Variants in PBRM1 observed in about 807,000 individuals in gnomAD.
The protein encoded by PBRM1 is polybromo 1, also known as protein polybromo-1.
A neutral mutation model predicts 194.5 loss-of-function variants in PBRM1; 27 were observed. The observed-to-expected ratio is 0.14, with a 90% CI of 0.10 to 0.19. The LOEUF is 0.19. Among genes scored for constraint, PBRM1 ranks in the 10% least tolerant of loss-of-function variants. The pLI is 1.00. For missense variants in PBRM1, 1,466 were observed against 2,077.2 expected, an observed-to-expected ratio of 0.71 and a Z score of 5.72; for synonymous variants, 655 against 693.2, an observed-to-expected ratio of 0.94 and a Z score of 0.87.
At chr3:52,677,117 G>C (rs953014785) in intron 2 of PBRM1, among the ~76,000 whole-genome samples, 2 of 152,108 alleles carry the variant, frequency 1.3e-5, no homozygotes, top group Non-Finnish European at 2.9e-5. Flanking sequence ...AAAAACATAG[G>C]GGAAAAGCTT....
intron 11 of PBRM1, 106 bp downstream of exon 12, chr3:52,634,496 C>T: frequency 4.3e-6 from 3 of 694,986 alleles, no homozygotes; most frequent in Non-Finnish European, 7.1e-6. Flanking sequence ...AAAAAAACAC[C>T]ATTTTTACCT....
At chr3:52,549,915 A>AG (rs1454817885) in intron 29 of PBRM1, among the ~76,000 whole-genome samples, 1 of 149,574 alleles carries the variant, frequency 6.7e-6, no homozygotes, top group Admixed American at 6.6e-5. Flanking sequence ...AAAAAAAAAA[A>AG]CAACCCAAAA....
intron 29 of PBRM1, among the ~76,000 whole-genome samples, chr3:52,549,369 T>C (rs2080291323): frequency 6.6e-6 from 1 of 152,102 alleles, no homozygotes. Flanking sequence ...TTTTGCCATG[T>C]TGTCCAGGCT....
At chr3:52,653,428 A>G (rs1262278161) in intron 5 of PBRM1, among the ~76,000 whole-genome samples, 1 of 152,036 alleles carries the variant, frequency 6.6e-6, no homozygotes, top group African/African-American at 2.4e-5. Flanking sequence ...CATCTCTACT[A>G]AAAATTCAAA....
chr3:52,602,821 G>C (rs549114787), intron 17 of PBRM1, among the ~76,000 whole-genome samples: 44 of 152,174 alleles, frequency 2.9e-4, no homozygotes, highest in African/African-American at 9.9e-4. Context: ...TCTTTTTGGG[G>C]TTTGCCATCG....
intron 17 of PBRM1, among the ~76,000 whole-genome samples, chr3:52,591,232 T>C (rs1238131950): frequency 6.6e-6 from 1 of 152,138 alleles, no homozygotes; most frequent in East Asian, 1.9e-4. Flanking sequence ...CTCTTCCTAT[T>C]TGAATACCCT....
intron 20 of PBRM1, among the ~76,000 whole-genome samples, chr3:52,581,838 A>G (rs2091294148): frequency 1.3e-5 from 2 of 152,002 alleles, no homozygotes; most frequent in South Asian, 4.2e-4. Flanking sequence ...GGGTTTCACC[A>G]TGTTGGCCTG....
chr3:52,565,853 G>A (rs113148930), intron 22 of PBRM1, among the ~76,000 whole-genome samples: 2 of 151,964 alleles, frequency 1.3e-5, no homozygotes, highest in East Asian at 1.9e-4. Context: ...GATCGAGACC[G>A]TCCTGGCTAA....
At position 52,552,576 on chromosome 3, in the gene PBRM1, G is replaced by A. The variant is rs1046693491; in HGVS notation, c.4610-1759C>T. On this transcript the variant is annotated intron_variant, in intron 27 of 29. Coordinates refer to ENST00000296302, the Ensembl canonical transcript of PBRM1. Reference sequence around the variant, plus strand: ...ATTACAGGATTGAGTCACTGTGTCCGGCCCTGTCTCCTCAATTCTAAGCAG... The same window carrying A: ...ATTACAGGATTGAGTCACTGTGTCCAGCCCTGTCTCCTCAATTCTAAGCAG... Among the ~76,000 whole-genome samples the A allele has an allele frequency of 2.6e-4, 39 of 152,094 alleles. 3 individuals carry two copies. The highest frequency in any genetic ancestry group is 1.5e-5 in the Non-Finnish European group (1 of 68,024).
Position 52,579,791 on chromosome 3 carries a change from C to T in PBRM1, c.3388-592G>A, listed in dbSNP as rs540163634. Among the ~76,000 whole-genome samples the T allele has an allele frequency of 3.9e-5, 6 of 152,280 alleles. No homozygotes were observed. The South Asian group carries it at 1.2e-3, about 32-fold the overall frequency. On this transcript the variant is annotated intron_variant, in intron 20 of 29. Coordinates refer to ENST00000296302, the Ensembl canonical transcript of PBRM1. ...TCCTGTCTCCCTCCTGCTCTCAATT[C>T]CCACTGCCTTTAGAAACAAACAAAA...
At chr3:52,658,356 T>TA (rs778976659) in intron 4 of PBRM1, 41 bp from the exon 6 acceptor site, 57 of 1,042,234 alleles carry the variant, frequency 5.5e-5, no homozygotes, top group Non-Finnish European at 6.5e-5. Flanking sequence ...AGAGAAATAA[T>TA]AAAATGCTGA....
At chr3:52,660,015 C>CAAGAGGTGGAGT (rs1168889887) in intron 4 of PBRM1, among the ~76,000 whole-genome samples, 1 of 152,174 alleles carries the variant, frequency 6.6e-6, no homozygotes. Context: ...CGTTTGAACC[C>CAAGAGGTGGAGT]AAGAGGTGGA....
At chr3:52,550,918 T>C in intron 27 of PBRM1, 101 bp from the exon 30 acceptor site, 2 of 728,980 alleles carry the variant, frequency 2.7e-6, no homozygotes, top group Non-Finnish European at 4.7e-6. Context: ...TTCAAACCTA[T>C]GTACCTCTGC....
At chr3:52,671,376 C>G in intron 2 of PBRM1, among the ~76,000 whole-genome samples, 1 of 152,220 alleles carries the variant, frequency 6.6e-6, no homozygotes, top group East Asian at 1.9e-4. Flanking sequence ...AGGTGTGTAT[C>G]CTCTGCCCCT....
chr3:52,638,012 CA>C (rs2095894516), intron 10 of PBRM1, among the ~76,000 whole-genome samples: 1 of 151,964 alleles, frequency 6.6e-6, no homozygotes, highest in South Asian at 2.1e-4. Flanking sequence ...TACTAGTTAG[CA>C]AATAATTTTT....
At chr3:52,672,823 T>C (rs1430215374) in intron 2 of PBRM1, among the ~76,000 whole-genome samples, 2 of 151,242 alleles carry the variant, frequency 1.3e-5, no homozygotes, top group Admixed American at 6.6e-5. Context: ...AGAATAGTGA[T>C]TATATTTTGA....
chr3:52,552,355 A>C (rs1019316922), intron 27 of PBRM1, among the ~76,000 whole-genome samples: 25 of 152,328 alleles, frequency 1.6e-4, no homozygotes, highest in Admixed American at 8.5e-4. Context: ...AGTCACCAAA[A>C]GAGCTCAATG....
rs56134416 is a variant in PBRM1 at position 52,644,515 on chromosome 3, G to C, written c.899+189C>G. On this transcript the variant is annotated intron_variant, in intron 8 of 29. Transcript: ENST00000296302. ...TTCTCCTGCCTCAGCCTCCCAAGTA[G>C]CTGTGACTACAGGCATATGCCACCA... Among the ~76,000 whole-genome samples, 17,138 of 151,978 alleles carry C rather than the reference G, an allele frequency of 0.11. 2,549 individuals are homozygous for C. The highest frequency in any genetic ancestry group is 0.35 in the African/African-American group (14,275 of 41,360).
At chr3:52,606,127 T>C (rs1215638829) in intron 16 of PBRM1, among the ~76,000 whole-genome samples, 1 of 151,874 alleles carries the variant, frequency 6.6e-6, no homozygotes, top group African/African-American at 2.4e-5. Flanking sequence ...ACCTCTCGAG[T>C]AGCTGGGACT....
Sources: gnomAD v4.1 joint callset for allele counts (sites outside exome capture counted in the v4.1 genomes callset) on GRCh38, gnomAD v4.1.1 for gene constraint, MANE v1.5 for transcripts, NCBI Gene and HGNC (gene_info 2026-07-23, HGNC 2026-07-21) for gene names.